DISP3: variants seen among roughly 807,000 people sequenced by gnomAD.
DISP3 encodes dispatched RND transporter family member 3, also known as protein dispatched homolog 3.
Under a neutral mutation model 135.3 loss-of-function variants are expected in DISP3, and 101 were observed. The ratio of observed to expected loss-of-function variants is 0.75; its 90% CI spans 0.64 to 0.88. The LOEUF (loss-of-function observed/expected upper bound fraction) is 0.88, where lower values mean the gene tolerates loss of function less well. Ranked by LOEUF, DISP3 falls within the 40% of genes least tolerant of loss-of-function variation. The probability of loss-of-function intolerance (pLI) is 0.00; values close to 1 mark genes in which losing one functional copy is unlikely to be tolerated. For missense variants in DISP3, 1,713 were observed against 1,878.6 expected, an observed-to-expected ratio of 0.91 and a Z score of 1.63; for synonymous variants, 856 against 817.0, an observed-to-expected ratio of 1.05 and a Z score of -0.81.
intron 1 of DISP3, among the ~76,000 whole-genome samples, chr1:11,495,011 C>T (rs1466247581): frequency 6.6e-6 from 1 of 152,096 alleles, no homozygotes; most frequent in Non-Finnish European, 1.5e-5. Flanking sequence ...TGAGGCAACA[C>T]CACCTCCCAC....
intron 15 of DISP3, among the ~76,000 whole-genome samples, chr1:11,530,458 C>T (rs894886123): frequency 2.6e-5 from 4 of 152,194 alleles, no homozygotes; most frequent in African/African-American, 4.8e-5. Flanking sequence ...CACAGCCCAG[C>T]GGGGTACACG....
chr1:11,521,901 G>A (rs1284380494), intron 10 of DISP3, among the ~76,000 whole-genome samples: 8 of 152,136 alleles, frequency 5.3e-5, no homozygotes, highest in East Asian at 1.9e-4. Flanking sequence ...GTGGAGAAGC[G>A]GGGTGAGGGA....
intron 7 of DISP3, 147 bp downstream of exon 7, chr1:11,517,749 C>A: frequency 9.2e-7 from 1 of 1,087,126 alleles, no homozygotes; most frequent in Non-Finnish European, 1.3e-6. Context: ...ATGCTTCCAT[C>A]CAATAACTGC....
intron 1 of DISP3, among the ~76,000 whole-genome samples, chr1:11,488,522 G>C (rs143651876): frequency 2.6e-5 from 4 of 152,186 alleles, no homozygotes; most frequent in African/African-American, 9.7e-5. Context: ...GGGCACCCGT[G>C]GTGGGGAACT....
chr1:11,496,077 C>T (rs577393339), intron 1 of DISP3, among the ~76,000 whole-genome samples: 30 of 151,984 alleles, frequency 2.0e-4, no homozygotes, highest in African/African-American at 6.8e-4. Flanking sequence ...CAGGTTACTG[C>T]TATTAATGGG....
intron 10 of DISP3, among the ~76,000 whole-genome samples, chr1:11,522,651 GCCCAGCCAGAGCCCAGCCAGGA>G (rs1642249065): frequency 2.1e-4 from 5 of 23,624 alleles, no homozygotes; most frequent in African/African-American, 8.3e-4. Context: ...CCCAGCCAGG[GCCCAGCCAGAGCCCAGCCAGGA>G]CCCAGCCAGA....
Position 11,502,906 on chromosome 1 carries a change from T to A in DISP3, c.1316+9T>A. On this transcript the variant is annotated intron_variant, in intron 3 of 20. Coordinates refer to ENST00000294484, the MANE Select transcript of DISP3 (RefSeq NM_020780.2). ...GCCAAGCAGTCTACCAGGTAGGAAG[T>A]CCAGCTGCATCCTGTGTGTGCATGC... The A allele has an allele frequency of 6.2e-7, 1 of 1,602,070 alleles. No homozygotes were observed. Among genetic ancestry groups the A allele is most frequent in the Non-Finnish European group, 8.5e-7 (1 of 1,171,600 alleles).
At position 11,502,013 on chromosome 1, in the gene DISP3, A is replaced by T; in HGVS notation, c.1021A>T (p.Thr341Ser). 1 of 1,610,680 alleles carries T rather than the reference A, an allele frequency of 6.2e-7. No homozygotes were observed. ...SYCSPPSSLM[T>S]YFFPTERGGK... The stretch of plus-strand genomic sequence containing the variant: ...CTGCTCGCCCCCCAGCTCGCTCATG[A>T]CCTACTTTTTTCCCACCGAGAGGGG... The change falls in exon 2 of 21, where the codon ACC becomes TCC. Residue 341 changes from threonine to serine, a missense_variant. By Grantham distance (58) the Thr-to-Ser change is moderately conservative (BLOSUM62 1). Around this residue, in one of 2 missense-constraint regions of DISP3, gnomAD observed 571 missense variants for 494.1 expected, o/e 1.16. Coordinates refer to ENST00000294484, the MANE Select transcript of DISP3 (RefSeq NM_020780.2).
chr1:11,501,566 G>A lies in DISP3; in HGVS notation c.574G>A (p.Ala192Thr). The stretch of plus-strand genomic sequence containing the variant: ...AGGCCCTTACCGGGACACTTCCGCG[G>A]CTCAAAAGCCCACAGCCAATCGGAG... The part of the protein sequence containing the change: ...GPGPYRDTSA[A>T]QKPTANRSGR... The change falls in exon 2 of 21, where the codon GCT becomes ACT. Residue 192 changes from alanine (A) to threonine (T), a missense_variant. Physicochemically the swap from Ala to Thr is moderately conservative, Grantham distance 58 (BLOSUM62 0). Coordinates refer to ENST00000294484, the MANE Select transcript of DISP3 (RefSeq NM_020780.2). This position sits in a 1 kb window ranked among gnomAD's most constrained non-coding sequence, Gnocchi z 4.9. 1.3e-6 allele frequency: 2 copies of A among 1,588,040 alleles called. No homozygotes were observed. Among genetic ancestry groups the A allele is most frequent in the South Asian group, 2.3e-5 (2 of 88,282 alleles).
chr1:11,532,491 C>G (rs572237100), intron 17 of DISP3, among the ~76,000 whole-genome samples: 1 of 152,190 alleles, frequency 6.6e-6, no homozygotes, highest in Non-Finnish European at 1.5e-5. Flanking sequence ...TCTGGCCCCC[C>G]ACCCTGACTT....
chr1:11,489,230 A>G (rs1026548542), intron 1 of DISP3, among the ~76,000 whole-genome samples: 1 of 152,170 alleles, frequency 6.6e-6, no homozygotes, highest in South Asian at 2.1e-4. Context: ...GCCCCTCAGC[A>G]GGTTTGAGCA....
chr1:11,535,246 C>T, intron 19 of DISP3, 122 bp downstream of exon 19: 1 of 1,077,272 alleles, frequency 9.3e-7, no homozygotes, highest in Non-Finnish European at 1.3e-6. Context: ...AGCGGAGGCT[C>T]ATAGGACTGT....
chr1:11,479,932 C>T (rs1458513709), intron 1 of DISP3, among the ~76,000 whole-genome samples: 2 of 152,222 alleles, frequency 1.3e-5, no homozygotes, highest in East Asian at 1.9e-4. Context: ...TGGGGCGGGC[C>T]GGGCCAGCGA....
At chr1:11,522,911 CAGGACCCAGCA>C (rs1380119471) in intron 10 of DISP3, among the ~76,000 whole-genome samples, 59 of 136,642 alleles carry the variant, frequency 4.3e-4, no homozygotes, top group Non-Finnish European at 7.6e-4. Flanking sequence ...AGAGCCCAGC[CAGGACCCAGCA>C]AGGACCCAGC....
Position 11,534,801 on chromosome 1 carries a change from C to A in DISP3, c.3536-210C>A. On this transcript the variant is annotated intron_variant, in intron 18 of 20. Coordinates refer to ENST00000294484, the MANE Select transcript of DISP3 (RefSeq NM_020780.2). ...TGACCATGATGGCAGCTGCCAGTTA[C>A]CAGCCCCTCCTAGGTGCCTAGGCTC... 4.0e-6 allele frequency: 3 copies of A among 758,554 alleles called. No homozygotes were observed. The East Asian group carries it at 8.0e-5, about 20-fold the overall frequency. The allele number at this position is 758,554 out of a possible 1,614,324, so 47.0% of individuals were successfully genotyped here.
chr1:11,518,865 C>T (rs779915438), intron 7 of DISP3, among the ~76,000 whole-genome samples: 14 of 152,132 alleles, frequency 9.2e-5, no homozygotes, highest in Admixed American at 8.5e-4. Context: ...ACACACACAG[C>T]GCTCGTATCA....
intron 3 of DISP3, 49 bp from the exon 4 acceptor site, chr1:11,514,341 T>G (rs762494590): frequency 8.3e-6 from 13 of 1,557,078 alleles, no homozygotes; most frequent in Non-Finnish European, 2.7e-6. Context: ...CACAGCCATC[T>G]CTAATCCTCT....
chr1:11,480,641 C>T (rs1640874500), intron 1 of DISP3, among the ~76,000 whole-genome samples: 1 of 151,304 alleles, frequency 6.6e-6, no homozygotes, highest in African/African-American at 2.4e-5. Context: ...CTCAGACTCC[C>T]AAGCACAGAC....
chr1:11,515,327 AG>A (rs1452415304), intron 4 of DISP3, 41 bp from the exon 5 acceptor site: 1 of 1,611,976 alleles, frequency 6.2e-7, no homozygotes, highest in Non-Finnish European at 8.5e-7. Flanking sequence ...GTGTCCCATG[AG>A]GGTCCCCCCA....
Sources: gnomAD v4.1 joint callset for allele counts (sites outside exome capture counted in the v4.1 genomes callset) on GRCh38, gnomAD v4.1.1 for gene constraint, gnomAD v4.1.1 regional missense constraint, Gnocchi (gnomAD v3.1) non-coding constraint, MANE v1.5 for transcripts, NCBI Gene and HGNC (gene_info 2026-07-23, HGNC 2026-07-21) for gene names.